The following ZNF90 variants were observed in gnomAD, a reference collection of about 807,000 sequenced individuals.
ZNF90 encodes zinc finger protein HTF9.
In ZNF90, 11 loss-of-function variants were observed where a neutral mutation model predicts 12.0. The ratio of observed to expected loss-of-function variants is 0.92; its 90% CI spans 0.58 to 1.52. ZNF90 has a LOEUF of 1.52. ZNF90 is among the 40% of genes most tolerant of loss of function. The probability of loss-of-function intolerance (pLI) is 0.00; values close to 1 mark genes in which losing one functional copy is unlikely to be tolerated. For synonymous variants in ZNF90, 232 were observed against 240.1 expected, an observed-to-expected ratio of 0.97 and a Z score of 0.31; for missense variants, 765 against 711.5, an observed-to-expected ratio of 1.08 and a Z score of -0.86.
At chr19:20,107,124 G>C (rs1034022157) in intron 3 of ZNF90, 2 of 404,918 alleles carry the variant, frequency 4.9e-6, no homozygotes, top group African/African-American at 4.1e-5. Flanking sequence ...AATTGGCCAT[G>C]ATCTGTGGCT....
In ZNF90 at chr19:20,078,056, T is replaced by C; in HGVS notation, c.-77T>C. ...ATCTGGTCTTAGCTGCTTCGTGTCTTCTTCTCCAGCCTCTGTGGCCCTGTG... is the reference window on the plus strand; with the variant it reads ...ATCTGGTCTTAGCTGCTTCGTGTCTCCTTCTCCAGCCTCTGTGGCCCTGTG... On this transcript the variant is annotated 5_prime_UTR_variant, in exon 1 of 4. Transcript: ENST00000418063. 1.2e-6 allele frequency: 2 copies of C among 1,601,916 alleles called. No individual in the cohort carries two copies. The highest frequency in any genetic ancestry group is 1.7e-6 in the Non-Finnish European group (2 of 1,168,978).
chr19:20,089,348 C>G (rs1435032134), intron 1 of ZNF90, among the ~76,000 whole-genome samples: 1 of 152,112 alleles, frequency 6.6e-6, no homozygotes, highest in Non-Finnish European at 1.5e-5. Flanking sequence ...GAGTGAAATA[C>G]AGGGCAAGTG....
At chr19:20,088,355 A>G (rs1304327241) in intron 1 of ZNF90, among the ~76,000 whole-genome samples, 4 of 152,066 alleles carry the variant, frequency 2.6e-5, no homozygotes, top group Non-Finnish European at 4.4e-5. Context: ...TAGAAGAAAC[A>G]TTTGTCGTAT....
intron 1 of ZNF90, among the ~76,000 whole-genome samples, chr19:20,092,841 G>A (rs913028214): frequency 2.6e-5 from 4 of 152,212 alleles, no homozygotes; most frequent in Admixed American, 1.3e-4. Flanking sequence ...AGGAGCAGAA[G>A]TGTGTCTTGT....
intron 3 of ZNF90, among the ~76,000 whole-genome samples, chr19:20,111,117 TA>T (rs1166333534): frequency 2.0e-5 from 3 of 152,216 alleles, no homozygotes; most frequent in Admixed American, 6.5e-5. Flanking sequence ...CTTTTTCCTA[TA>T]TTTTTTTGAA....
At chr19:20,106,919 G>A (rs1315343910) in intron 3 of ZNF90, 1 of 454,452 alleles carries the variant, frequency 2.2e-6, no homozygotes, top group Admixed American at 2.3e-5. Context: ...GGCTTGGGTT[G>A]TTGTAATTCT....
chr19:20,094,463 C>T (rs567444155), intron 1 of ZNF90, among the ~76,000 whole-genome samples: 3 of 152,178 alleles, frequency 2.0e-5, no homozygotes, highest in African/African-American at 4.8e-5. Context: ...TTCATCTTCA[C>T]CTTGGGTAGT....
intron 3 of ZNF90, among the ~76,000 whole-genome samples, chr19:20,111,781 A>G (rs1278984937): frequency 6.6e-6 from 1 of 152,194 alleles, no homozygotes; most frequent in African/African-American, 2.4e-5. Context: ...TCAATTGAAT[A>G]CAAAAACTAT....
intron 1 of ZNF90, among the ~76,000 whole-genome samples, chr19:20,093,662 C>A (rs1479893602): frequency 2.6e-5 from 4 of 151,958 alleles, no homozygotes; most frequent in Non-Finnish European, 5.9e-5. Flanking sequence ...AAGTTGGCAC[C>A]AGAGTGGGGG....
intron 3 of ZNF90, among the ~76,000 whole-genome samples, chr19:20,109,320 C>A (rs1189463200): frequency 6.6e-6 from 1 of 152,058 alleles, no homozygotes; most frequent in African/African-American, 2.4e-5. Flanking sequence ...AATATGACCC[C>A]AATTTTAGAT....
At chr19:20,095,906 A>G (rs782256523) in intron 1 of ZNF90, among the ~76,000 whole-genome samples, 1 of 152,200 alleles carries the variant, frequency 6.6e-6, no homozygotes, top group Non-Finnish European at 1.5e-5. Context: ...GGACCAAGGC[A>G]GGTGTCCCTG....
chr19:20,109,156 A>G (rs1349950331), intron 3 of ZNF90, among the ~76,000 whole-genome samples: 1 of 152,242 alleles, frequency 6.6e-6, no homozygotes, highest in Non-Finnish European at 1.5e-5. Context: ...ATGCATCTCT[A>G]TCACAGTCAG....
In ZNF90 at chr19:20,117,523, C is replaced by T. The variant is rs553799176; in HGVS notation, c.227-258C>T. ...TGTGATCTTGGGTCACCGCAATCTC[C>T]GCCTCCCAGGCTCAAGCAATTCTCT... On this transcript the variant is annotated intron_variant, in intron 3 of 3. Transcript: ENST00000418063. The T allele has an allele frequency of 2.8e-5, 26 of 929,858 alleles. No individual in the cohort carries two copies. In the East Asian group the frequency reaches 1.2e-3, roughly 43 times the overall value. 57.6% of individuals were successfully genotyped at this position (929,858 alleles called of 1,614,324 possible).
chr19:20,105,972 G>GAAT (rs2089032233), intron 3 of ZNF90, among the ~76,000 whole-genome samples: 1 of 146,338 alleles, frequency 6.8e-6, no homozygotes, highest in Admixed American at 6.9e-5. Flanking sequence ...TATGGCACTT[G>GAAT]AATAATATTT....
In ZNF90 at chr19:20,084,602, C is replaced by T. The variant is rs148659426; in HGVS notation, c.3+6467C>T. ...CAGTTTTTGAACTAATTTACACTCC[C>T]ACCAGAAGAGTATAAGCATTCCCTT... On this transcript the variant is annotated intron_variant, in intron 1 of 3. Transcript: ENST00000418063. Among the ~76,000 whole-genome samples, 3 of 152,306 alleles carry T rather than the reference C, an allele frequency of 2.0e-5. 1 individual carries two copies. Among genetic ancestry groups the T allele is most frequent in the African/African-American group, 7.2e-5 (3 of 41,554 alleles).
chr19:20,114,857 C>T (rs1475008803), intron 3 of ZNF90, among the ~76,000 whole-genome samples: 2 of 152,116 alleles, frequency 1.3e-5, no homozygotes, highest in Non-Finnish European at 2.9e-5. Context: ...ATTATTATAA[C>T]AGAAAATGCA....
At chr19:20,105,424 G>A (rs1421749069) in intron 3 of ZNF90, 108 bp downstream of exon 3, 1 of 867,912 alleles carries the variant, frequency 1.2e-6, no homozygotes, top group Admixed American at 2.6e-5. Flanking sequence ...GTTCCAAAGA[G>A]AATAGTTCCT....
chr19:20,089,902 A>T (rs2088888825), intron 1 of ZNF90, among the ~76,000 whole-genome samples: 1 of 152,140 alleles, frequency 6.6e-6, no homozygotes, highest in South Asian at 2.1e-4. Context: ...CTAGGAGAGA[A>T]TGGGTAAGGT....
Position 20,092,128 on chromosome 19 carries a change from G to A in ZNF90, c.4-12111G>A, listed in dbSNP as rs545103741. Among the ~76,000 whole-genome samples, 5 of 152,288 alleles carry A rather than the reference G, an allele frequency of 3.3e-5. No homozygotes were observed. The East Asian group carries it at 7.7e-4, about 24-fold the overall frequency. ...GAATAATGTGGGAGGCCGCATTTAAGTCCAGGCCAGGAACAATGGTAATTG... is the reference window on the plus strand; with the variant it reads ...GAATAATGTGGGAGGCCGCATTTAAATCCAGGCCAGGAACAATGGTAATTG... On this transcript the variant is annotated intron_variant, in intron 1 of 3. Transcript: ENST00000418063.
Sources: allele counts gnomAD v4.1 joint callset (sites outside exome capture counted in the v4.1 genomes callset), GRCh38; gene constraint gnomAD v4.1.1; transcripts MANE v1.5; gene names NCBI Gene and HGNC (gene_info 2026-07-23, HGNC 2026-07-21).